Variants in CDC73 observed in about 807,000 individuals in gnomAD.
CDC73 encodes the protein cell division cycle 73, also known as parafibromin.
In CDC73, 21 loss-of-function variants were observed where a neutral mutation model predicts 83.7. The ratio of observed to expected loss-of-function variants is 0.25; its 90% CI spans 0.18 to 0.36. The LOEUF (loss-of-function observed/expected upper bound fraction) is 0.36. Among genes scored for constraint, CDC73 ranks in the 10% least tolerant of loss-of-function variants. The pLI is 1.00. For synonymous variants in CDC73, 224 were observed against 212.9 expected (o/e 1.05, Z -0.45); for missense variants, 342 against 653.3 (o/e 0.52, Z 5.19).
rs1572154825 is a variant in CDC73, at chr1:193,142,002, G to A, written c.665G>A (p.Arg222Gln). The change falls in exon 7 of 17, where the codon CGA becomes CAA. Residue 222 changes from arginine (R) to glutamine (Q), a missense_variant. Physicochemically the swap from Arg to Gln is conservative, Grantham distance 43 (BLOSUM62 1). Around this residue, in one of 3 missense-constraint regions of CDC73, gnomAD observed 239 missense variants for 420.6 expected, o/e 0.57. Coordinates refer to ENST00000367435, the MANE Select transcript of CDC73 (RefSeq NM_024529.5). ...SFVDAEVDVTRDIVSRERVWR... is the reference protein window; with the variant it reads ...SFVDAEVDVTQDIVSRERVWR... ...GTGGATGCTGAGGTAGATGTGACCC[G>A]AGATATTGTCAGCAGAGAGAGAGTA... is the stretch of plus-strand genomic sequence containing the variant. The A allele has an allele frequency of 1.9e-6, 3 of 1,613,900 alleles. No individual in the cohort carries two copies. The highest frequency in any genetic ancestry group is 2.5e-6 in the Non-Finnish European group (3 of 1,179,922).
intron 10 of CDC73, chr1:193,180,987 G>C (rs1676705076): frequency 3.1e-6 from 5 of 1,613,254 alleles, no homozygotes; most frequent in Admixed American, 1.7e-5. Context: ...TAATACTTAA[G>C]CCCAACAAAA....
chr1:193,122,708 C>CTT, intron 1 of CDC73: 1 of 176,938 alleles, frequency 5.7e-6, no homozygotes, highest in Non-Finnish European at 1.2e-5. Flanking sequence ...TCTTTTTGTT[C>CTT]TTTATTTTTT....
intron 10 of CDC73, among the ~76,000 whole-genome samples, chr1:193,199,276 A>C (rs1437705598): frequency 6.6e-6 from 1 of 152,124 alleles, no homozygotes; most frequent in Non-Finnish European, 1.5e-5. Flanking sequence ...ACACTCTTTT[A>C]AAAGACTAGC....
At chr1:193,122,484 A>G (rs914645255) in intron 1 of CDC73, 153 bp downstream of exon 1, 1 of 977,202 alleles carries the variant, frequency 1.0e-6, no homozygotes, top group African/African-American at 1.6e-5. Flanking sequence ...CAGAAGTTGC[A>G]CTTTTAGGGT....
chr1:193,152,563 A>G (rs1676132517), intron 10 of CDC73, 119 bp downstream of exon 10: 2 of 701,998 alleles, frequency 2.8e-6, no homozygotes, highest in Non-Finnish European at 2.6e-6. Context: ...TTTATTGATC[A>G]CTTGTGCTGA....
At chr1:193,132,627 T>C (rs992922697) in intron 3 of CDC73, among the ~76,000 whole-genome samples, 1 of 151,614 alleles carries the variant, frequency 6.6e-6, no homozygotes, top group African/African-American at 2.4e-5. Context: ...TTTTTTTTTT[T>C]AATCAAAGCA....
At chr1:193,139,711 A>G (rs944279149) in intron 6 of CDC73, among the ~76,000 whole-genome samples, 2 of 151,916 alleles carry the variant, frequency 1.3e-5, no homozygotes, top group African/African-American at 4.8e-5. Context: ...TTTTTTTGGG[A>G]CACAGTTAAA....
At chr1:193,139,302 T>A (rs539724425) in intron 6 of CDC73, among the ~76,000 whole-genome samples, 50 of 151,954 alleles carry the variant, frequency 3.3e-4, no homozygotes, top group South Asian at 6.2e-4. Flanking sequence ...GTTTCGCTCT[T>A]GTGACCCAGG....
At chr1:193,138,368 T>G (rs1198381739) in intron 6 of CDC73, among the ~76,000 whole-genome samples, 195 bp downstream of exon 6, 1 of 152,242 alleles carries the variant, frequency 6.6e-6, no homozygotes, top group African/African-American at 2.4e-5. Context: ...AAAGTCTTCT[T>G]GTTTCTATTA....
intron 1 of CDC73, among the ~76,000 whole-genome samples, chr1:193,123,863 T>A (rs1247172280): frequency 6.6e-6 from 1 of 152,224 alleles, no homozygotes; most frequent in Non-Finnish European, 1.5e-5. Context: ...CTACAATAGC[T>A]TTTGAAGACA....
At chr1:193,181,699 C>A (rs773265990) in intron 10 of CDC73, 144 of 819,584 alleles carry the variant, frequency 1.8e-4, no homozygotes, top group Non-Finnish European at 2.6e-4. Flanking sequence ...AAATGAAGCA[C>A]AAAAGTTTAC....
At chr1:193,219,786 A>G (rs1677434986) in intron 13 of CDC73, among the ~76,000 whole-genome samples, 1 of 152,180 alleles carries the variant, frequency 6.6e-6, no homozygotes, top group Non-Finnish European at 1.5e-5. Flanking sequence ...TGTACTGTGC[A>G]TATTACCCTG....
chr1:193,241,889 C>CT (rs1214734401), intron 15 of CDC73, among the ~76,000 whole-genome samples: 3 of 152,182 alleles, frequency 2.0e-5, no homozygotes, highest in African/African-American at 7.2e-5. Flanking sequence ...TGGCAGTGTG[C>CT]TACCAGCACT....
rs1181776959 is a variant in CDC73, at chr1:193,204,287, A to ATT, written c.1030+446_1030+447dup. On this transcript the variant is annotated intron_variant, in intron 11 of 16. Coordinates refer to ENST00000367435, the MANE Select transcript of CDC73 (RefSeq NM_024529.5). ...TGTGTGTGTGTGTGTGTATATATAT[A>ATT]TTTTTTTTTTTTCTTTTTTTGAGAC... Among the ~76,000 whole-genome samples the ATT allele has an allele frequency of 1.8e-3, 243 of 133,968 alleles. No homozygotes were observed. In the East Asian group the frequency reaches 0.021, roughly 11 times the overall value. The allele number at this position is 133,968 out of a possible 152,430, so 87.9% of individuals were successfully genotyped here.
intron 6 of CDC73, 23 bp from the exon 7 acceptor site, chr1:193,141,826 AT>A: frequency 6.5e-7 from 1 of 1,542,500 alleles, no homozygotes; most frequent in Non-Finnish European, 8.9e-7. Context: ...TGCTGTGAAA[AT>A]TTAAAAAAGA....
intron 12 of CDC73, 66 bp downstream of exon 12, chr1:193,212,166 T>G: frequency 1.5e-6 from 2 of 1,297,340 alleles, no homozygotes; most frequent in Non-Finnish European, 2.2e-6. Context: ...CCAGGCCTGA[T>G]AATTTTCTTG....
At position 193,218,724 on chromosome 1, in the gene CDC73, C is replaced by T. The variant is rs180700418; in HGVS notation, c.1154+6247C>T. 3.8e-3 allele frequency among the ~76,000 whole-genome samples: 573 copies of T among 152,166 alleles called. 2 individuals carry two copies. The highest frequency in any genetic ancestry group is 6.9e-3 in the Non-Finnish European group (470 of 67,988). ...CTAGCCAAATGCAGAAGATTGAAAC[C>T]GAACCCCTTCCTTTCACCATATGCA... is the stretch of plus-strand genomic sequence containing the variant. On this transcript the variant is annotated intron_variant, in intron 13 of 16. Transcript: ENST00000367435.
chr1:193,154,373 C>T (rs944614354), intron 10 of CDC73, among the ~76,000 whole-genome samples: 4 of 152,132 alleles, frequency 2.6e-5, no homozygotes, highest in Non-Finnish European at 4.4e-5. Context: ...ATGCTTTGTA[C>T]AGAGCAGTTT....
Position 193,200,240 on chromosome 1 carries a change from C to A in CDC73, c.973-3555C>A, listed in dbSNP as rs1413429445. On this transcript the variant is annotated intron_variant, in intron 10 of 16. Coordinates refer to ENST00000367435, the MANE Select transcript of CDC73 (RefSeq NM_024529.5). ...TTTTAAAAAAAAGTTTTCAATATTT[C>A]ACTGTTTCAGGTAACATTTTAAAAT... Among the ~76,000 whole-genome samples the A allele has an allele frequency of 3.3e-5, 5 of 152,030 alleles. No homozygotes were observed. In the East Asian group the frequency reaches 7.7e-4, roughly 23 times the overall value.
Sources: gnomAD v4.1 joint callset for allele counts (sites outside exome capture counted in the v4.1 genomes callset) on GRCh38, gnomAD v4.1.1 for gene constraint, gnomAD v4.1.1 regional missense constraint, MANE v1.5 for transcripts, NCBI Gene and HGNC (gene_info 2026-07-23, HGNC 2026-07-21) for gene names.